Variants in RAB30 observed in about 807,000 individuals in gnomAD.
RAB30 encodes the protein RAB30, member RAS oncogene family, also known as ras-related protein Rab-30.
In RAB30, 9 loss-of-function variants were observed where a neutral mutation model predicts 25.1. The observed-to-expected ratio is 0.36, with a 90% CI of 0.22 to 0.63. The LOEUF (loss-of-function observed/expected upper bound fraction) is 0.63. Among genes scored for constraint, RAB30 ranks in the 20% least tolerant of loss-of-function variants. The pLI is 0.69. For synonymous variants in RAB30, 77 were observed against 86.4 expected, an observed-to-expected ratio of 0.89 and a Z score of 0.60; for missense variants, 140 against 243.5, an observed-to-expected ratio of 0.58 and a Z score of 2.83.
chr11:83,025,068 G>C (rs1857678277), intron 1 of RAB30, among the ~76,000 whole-genome samples: 1 of 152,228 alleles, frequency 6.6e-6, no homozygotes. Flanking sequence ...GCAACTTGGA[G>C]AACACACTTT....
At chr11:83,065,996 T>A (rs185926353) in intron 1 of RAB30, among the ~76,000 whole-genome samples, 14 of 152,330 alleles carry the variant, frequency 9.2e-5, no homozygotes, top group African/African-American at 2.9e-4. Context: ...CTTTCAGGCA[T>A]GAATTAAGAA....
intron 1 of RAB30, among the ~76,000 whole-genome samples, chr11:83,046,572 C>A (rs1228573028): frequency 6.6e-6 from 1 of 152,114 alleles, no homozygotes; most frequent in Admixed American, 6.6e-5. Flanking sequence ...TAGCTCACTG[C>A]ATCCCTGAAC....
chr11:83,036,229 C>T (rs557036238), intron 1 of RAB30, among the ~76,000 whole-genome samples: 2 of 150,594 alleles, frequency 1.3e-5, no homozygotes, highest in Admixed American at 1.3e-4. Context: ...TGCAGTGGCA[C>T]GATCTTGGCT....
At chr11:83,018,412 T>C (rs1350384499) in intron 1 of RAB30, among the ~76,000 whole-genome samples, 1 of 152,188 alleles carries the variant, frequency 6.6e-6, no homozygotes, top group Non-Finnish European at 1.5e-5. Flanking sequence ...TATCTCATTG[T>C]GGTTTTAATT....
Position 82,981,917 on chromosome 11 carries a change from G to A in RAB30, c.*248C>T, listed in dbSNP as rs1324679610. 3.8e-6 allele frequency: 2 copies of A among 526,062 alleles called. No individual in the cohort carries two copies. The highest frequency in any genetic ancestry group is 6.8e-6 in the Non-Finnish European group (2 of 294,240). The allele number at this position is 526,062 out of a possible 1,614,324, so 32.6% of individuals were successfully genotyped here. ...AAAAACAAAAGCAACATGCTCTGCA[G>A]ATCATGGAGTGCCTAGTGCAATTTT... On this transcript the variant is annotated 3_prime_UTR_variant, in exon 5 of 5. Coordinates refer to ENST00000527633, the MANE Select transcript of RAB30 (RefSeq NM_001286060.2).
chr11:83,042,291 G>A (rs1315099656), intron 1 of RAB30, among the ~76,000 whole-genome samples: 1 of 152,066 alleles, frequency 6.6e-6, no homozygotes, highest in East Asian at 1.9e-4. Context: ...AGTGGCTCAT[G>A]CCTGTAATCC....
intron 1 of RAB30, among the ~76,000 whole-genome samples, chr11:83,014,674 GAAAGAAAGAAAGAAAGAAA>G (rs1565277153): frequency 1.4e-5 from 2 of 144,846 alleles, no homozygotes; most frequent in African/African-American, 5.2e-5. Flanking sequence ...AAGAAAGAAA[GAAAGAAAGAAAGAAAGAAA>G]GAGAAAGGAA....
intron 2 of RAB30, 140 bp from the exon 3 acceptor site, chr11:82,994,262 C>T (rs890498292): frequency 1.5e-6 from 1 of 666,424 alleles, no homozygotes. Context: ...TCTGGTTACT[C>T]TCAAGGGAGC....
chr11:82,984,498 T>A (rs573726500), intron 4 of RAB30, among the ~76,000 whole-genome samples: 4 of 152,282 alleles, frequency 2.6e-5, no homozygotes, highest in South Asian at 2.1e-4. Context: ...CGGATGCTGA[T>A]CTGCTGTCAA....
At chr11:83,017,654 T>A (rs950867696) in intron 1 of RAB30, among the ~76,000 whole-genome samples, 1 of 152,200 alleles carries the variant, frequency 6.6e-6, no homozygotes, top group Non-Finnish European at 1.5e-5. Context: ...CCTGAATTAT[T>A]TCACTTAGAA....
rs1464339645 is a variant in RAB30, at chr11:82,980,161, C to T, written c.*2004G>A. The T allele has an allele frequency of 6.6e-6, 1 of 152,170 alleles. No individual in the cohort carries two copies. The highest frequency in any genetic ancestry group is 2.4e-5 in the African/African-American group (1 of 41,442). The allele number at this position is 152,170 out of a possible 1,614,324, so 9.4% of individuals were successfully genotyped here. On this transcript the variant is annotated 3_prime_UTR_variant, in exon 5 of 5. Transcript: ENST00000527633. ...CCTTGATTAACTTGTTTTCTGAATA[C>T]ATTTAGTTGCTGGCTTAGTGGAGAG...
intron 1 of RAB30, among the ~76,000 whole-genome samples, chr11:83,069,631 G>GA (rs1156622050): frequency 7.2e-4 from 106 of 148,236 alleles, no homozygotes; most frequent in Admixed American, 2.8e-3. Flanking sequence ...CAAGGATAAG[G>GA]AAAAAAAAAA....
intron 1 of RAB30, among the ~76,000 whole-genome samples, chr11:83,015,045 A>G (rs773482301): frequency 2.0e-5 from 3 of 152,234 alleles, no homozygotes; most frequent in Non-Finnish European, 4.4e-5. Flanking sequence ...GCTGTGGGAC[A>G]GGTCACATAG....
chr11:83,048,513 G>C (rs1275609179), intron 1 of RAB30, among the ~76,000 whole-genome samples: 1 of 151,676 alleles, frequency 6.6e-6, no homozygotes, highest in Non-Finnish European at 1.5e-5. Context: ...TCATTTCTAA[G>C]CTCTTCATAA....
intron 1 of RAB30, among the ~76,000 whole-genome samples, chr11:83,038,340 G>A (rs1858031668): frequency 6.6e-6 from 1 of 152,118 alleles, no homozygotes; most frequent in Admixed American, 6.5e-5. Context: ...GCTTTTTGGT[G>A]TAGGTGAAAG....
Position 83,020,897 on chromosome 11 carries a change from C to G in RAB30, c.-8-23573G>C, listed in dbSNP as rs1364499125. The stretch of plus-strand genomic sequence containing the variant: ...AGCTGCAGACAATGGGATGACCTGC[C>G]CGCAGAGAGGAGCCACTTCCTCTCT... On this transcript the variant is annotated intron_variant, in intron 1 of 4. Transcript: ENST00000527633. Among the ~76,000 whole-genome samples, 3 of 151,952 alleles carry G rather than the reference C, an allele frequency of 2.0e-5. No individual in the cohort carries two copies. In the East Asian group the frequency reaches 5.8e-4, roughly 29 times the overall value.
chr11:83,027,267 G>A (rs11233431), intron 1 of RAB30, among the ~76,000 whole-genome samples: 1 of 152,076 alleles, frequency 6.6e-6, no homozygotes, highest in South Asian at 2.1e-4. Flanking sequence ...TAAATCTTTA[G>A]CATTCCCCAT....
At chr11:83,006,888 C>T (rs1342591327) in intron 1 of RAB30, among the ~76,000 whole-genome samples, 1 of 152,168 alleles carries the variant, frequency 6.6e-6, no homozygotes, top group African/African-American at 2.4e-5. Context: ...TCTTTCAGAC[C>T]AACTTCCCTC....
chr11:83,019,756 C>T (rs1466258074), intron 1 of RAB30, among the ~76,000 whole-genome samples: 5 of 152,080 alleles, frequency 3.3e-5, no homozygotes, highest in Non-Finnish European at 5.9e-5. Flanking sequence ...TTTTTCAGTA[C>T]GAAATTCAAT....
Sources: gnomAD v4.1 joint callset for allele counts (sites outside exome capture counted in the v4.1 genomes callset) on GRCh38, gnomAD v4.1.1 for gene constraint, MANE v1.5 for transcripts, NCBI Gene and HGNC (gene_info 2026-07-23, HGNC 2026-07-21) for gene names.